Variants in PLA2G6 observed in about 807,000 individuals in gnomAD.
The protein encoded by PLA2G6 is 85/88 kDa calcium-independent phospholipase A2.
A neutral mutation model predicts 83.8 loss-of-function variants in PLA2G6; 62 were observed. That is an observed-to-expected ratio of 0.74 (90% confidence interval 0.60 to 0.91). The LOEUF (loss-of-function observed/expected upper bound fraction) is 0.91. Among genes scored for constraint, PLA2G6 ranks in the 40% least tolerant of loss-of-function variants. The pLI is 0.00. For missense variants in PLA2G6, 944 were observed against 1,102.0 expected, an observed-to-expected ratio of 0.86 and a Z score of 2.03; for synonymous variants, 417 against 449.8, an observed-to-expected ratio of 0.93 and a Z score of 0.92.
chr22:38,135,984 C>G (rs11570662), intron 5 of PLA2G6: 6,026 of 152,296 alleles, frequency 0.04, 178 homozygotes, highest in Middle Eastern at 0.071. Flanking sequence ...AAATAGTATT[C>G]TGCCTTAAAA....
intron 15 of PLA2G6, 39 bp from the exon 16 acceptor site, chr22:38,112,616 C>T: frequency 1.3e-6 from 2 of 1,491,906 alleles, no homozygotes; most frequent in Non-Finnish European, 1.8e-6. Context: ...GGGCCCACAC[C>T]CCGCCCGGCC....
intron 1 of PLA2G6, among the ~76,000 whole-genome samples, chr22:38,173,290 A>T (rs1021253928): frequency 6.6e-6 from 1 of 151,920 alleles, no homozygotes; most frequent in Non-Finnish European, 1.5e-5. Context: ...GGGGTAGACA[A>T]TCACTTTTCC....
intron 2 of PLA2G6, among the ~76,000 whole-genome samples, chr22:38,159,490 A>G (rs1189265812): frequency 6.6e-6 from 1 of 152,108 alleles, no homozygotes; most frequent in Admixed American, 6.6e-5. Flanking sequence ...GCACTTTGGG[A>G]GGCTGAGGTG....
In PLA2G6 at chr22:38,123,318, C is replaced by T. The variant is rs2087634772; in HGVS notation, c.1428-60G>A. The T allele has an allele frequency of 6.6e-7, 1 of 1,506,330 alleles. No homozygotes were observed. Among genetic ancestry groups the T allele is most frequent in the African/African-American group, 1.4e-5 (1 of 72,286 alleles). 93.3% of individuals were successfully genotyped at this position (1,506,330 alleles called of 1,614,324 possible). ...CCTGCCACAGCCCAGTACTTTACAT[C>T]CACCCTCATAGCCCTTGTCCCCTGC... On this transcript the variant is annotated intron_variant, in intron 10 of 16. Coordinates refer to ENST00000332509, the MANE Select transcript of PLA2G6 (RefSeq NM_003560.4). The surrounding 1 kb of genome is among the most constrained non-coding windows in gnomAD (Gnocchi z 4.1).
intron 8 of PLA2G6, 46 bp downstream of exon 8, chr22:38,129,408 C>A: frequency 7.5e-7 from 1 of 1,336,922 alleles, no homozygotes; most frequent in South Asian, 1.2e-5. Context: ...TCCCTGTATC[C>A]ACCCAACCCT....
rs565332748 is a variant in PLA2G6 at position 38,112,467 on chromosome 22, G to A, written c.2276+37C>T. 5.7e-5 allele frequency: 88 copies of A among 1,534,636 alleles called. No individual in the cohort carries two copies. The African/African-American group carries it at 1.1e-3, about 19-fold the overall frequency. On this transcript the variant is annotated intron_variant, in intron 16 of 16. Transcript: ENST00000332509. ...AGGTCGGTGAGTCCGACCACGCCAG[G>A]GCACGGGGCCAAGGGCTGGGGCGGC...
chr22:38,112,728 G>A (rs2086956175), intron 15 of PLA2G6, 151 bp from the exon 16 acceptor site: 2 of 696,010 alleles, frequency 2.9e-6, no homozygotes, highest in African/African-American at 1.8e-5. Flanking sequence ...AGCGGCTCGG[G>A]CAAAACCCCT....
intron 2 of PLA2G6, chr22:38,168,092 T>TCACAG (rs2090290849): frequency 6.1e-6 from 1 of 164,528 alleles, no homozygotes; most frequent in South Asian, 2.0e-4. Flanking sequence ...TCTCCCTCTG[T>TCACAG]CACAGCACTC....
chr22:38,179,687 G>A (rs567400678), intron 1 of PLA2G6, among the ~76,000 whole-genome samples: 1 of 152,238 alleles, frequency 6.6e-6, no homozygotes. Context: ...GGAGGCTGAG[G>A]CAGGAGAATC....
chr22:38,126,426 A>G lies in PLA2G6; in HGVS notation c.1372T>C (p.Ser458Pro), dbSNP rs147043645. The G allele has an allele frequency of 4.3e-6, 7 of 1,613,508 alleles. No individual in the cohort carries two copies. The highest frequency in any genetic ancestry group is 1.7e-5 in the Admixed American group (1 of 60,020). ...ATGAACGCTGGCTTCCGGGCCCGTG[A>G]GATGTGCATGAGATCCTGTAGTTCT... The part of the protein sequence containing the change: ...NLELQDLMHI[S>P]RARKPAFILG... The change falls in exon 10 of 17, where the codon TCA becomes CCA. Residue 458 changes from serine to proline, a missense_variant. By Grantham distance (74) the Ser-to-Pro change is moderately conservative. Coordinates refer to ENST00000332509, the MANE Select transcript of PLA2G6 (RefSeq NM_003560.4).
At chr22:38,176,666 T>G (rs1568982014) in intron 1 of PLA2G6, among the ~76,000 whole-genome samples, 1 of 152,106 alleles carries the variant, frequency 6.6e-6, no homozygotes, top group South Asian at 2.1e-4. Context: ...CCGGCCTCCG[T>G]CCTCTCACAA....
chr22:38,113,727 G>C, intron 14 of PLA2G6, 73 bp from the exon 15 acceptor site: 1 of 1,408,214 alleles, frequency 7.1e-7, no homozygotes, highest in Non-Finnish European at 1.0e-6. Context: ...AGCGTCAAGG[G>C]GAGGCCCAAG....
chr22:38,115,583 G>T lies in PLA2G6; in HGVS notation c.1978C>A (p.Pro660Thr), dbSNP rs587784341. 4 of 1,613,374 alleles carry T rather than the reference G, an allele frequency of 2.5e-6. No individual in the cohort carries two copies. The highest frequency in any genetic ancestry group is 2.2e-5 in the South Asian group (2 of 90,974). ...ATCTCGGTCATGGCATCCAGCGTGG[G>T]GTTGTTGGCCAGCAGCCCACCGTCC... ...FLDGGLLANN[P>T]TLDAMTEIHE... The change falls in exon 14 of 17, where the codon CCC (proline) becomes ACC (threonine). Residue 660 changes from proline to threonine, a missense_variant. Transcript: ENST00000332509.
At chr22:38,125,180 A>G (rs541721662) in intron 10 of PLA2G6, among the ~76,000 whole-genome samples, 41 of 151,608 alleles carry the variant, frequency 2.7e-4, no homozygotes, top group African/African-American at 9.9e-4. Flanking sequence ...ATGCATGTGT[A>G]TGTGTGCGCA....
At position 38,112,308 on chromosome 22, in the gene PLA2G6, G is replaced by T. The variant is rs756816515; in HGVS notation, c.2277-3C>A. The T allele has an allele frequency of 6.2e-7, 1 of 1,613,234 alleles. No homozygotes were observed. The highest frequency in any genetic ancestry group is 8.5e-7 in the Non-Finnish European group (1 of 1,179,792). ...CCGTCCCCAGCTGGGGGTTCAATCT[G>T]TTCGGGCCAGGGAGGAGGGGGTCAC... On this transcript the variant is annotated splice_region_variant and splice_polypyrimidine_tract_variant and intron_variant, in intron 16 of 16. Coordinates refer to ENST00000332509, the MANE Select transcript of PLA2G6 (RefSeq NM_003560.4).
In PLA2G6 at chr22:38,112,531, C is replaced by T. The variant is rs751225193; in HGVS notation, c.2249G>A (p.Cys750Tyr). 6.4e-7 allele frequency: 1 copy of T among 1,555,404 alleles called. No individual in the cohort carries two copies. The highest frequency in any genetic ancestry group is 1.2e-5 in the South Asian group (1 of 84,780). ...GRAVDRARAW[C>Y]EMVGIQYFRL... ...GAAGTACTGGATGCCGACCATCTCG[C>T]ACCAGGCCCGTGCCCGGTCCACAGC... Residue 750 changes from cysteine to tyrosine, a missense_variant, in exon 16 of 17, where the codon TGC becomes TAC. By Grantham distance (194) the Cys-to-Tyr change is radical (BLOSUM62 -2). Transcript: ENST00000332509.
rs774263629 is a variant in PLA2G6 at position 38,132,047 on chromosome 22, G to A, written c.1077+784C>T. 343 of 435,642 alleles carry A rather than the reference G, an allele frequency of 7.9e-4. 1 individual carries two copies. The highest frequency in any genetic ancestry group is 1.2e-3 in the South Asian group (76 of 60,964). 27.0% of individuals were successfully genotyped at this position (435,642 alleles called of 1,614,324 possible). A position where few individuals can be genotyped will look rare whatever the true frequency, so the allele number is the denominator to read the frequency against. On this transcript the variant is annotated intron_variant, in intron 7 of 16. Transcript: ENST00000332509. This position sits in a 1 kb window ranked among gnomAD's most constrained non-coding sequence, Gnocchi z 5.0. ...GGAGAATCGCTTGAACCTGGGAGGC[G>A]GAGGTTGTGGTGAGCCGAGATCGCG...
intron 6 of PLA2G6, chr22:38,134,101 G>A (rs947057748): frequency 6.6e-6 from 1 of 152,144 alleles, no homozygotes; most frequent in African/African-American, 2.4e-5. Flanking sequence ...AGGCTAGACT[G>A]GCTTAGCCTC....
At chr22:38,149,705 G>A (rs2089463091) in intron 2 of PLA2G6, 1 of 151,930 alleles carries the variant, frequency 6.6e-6, no homozygotes, top group Non-Finnish European at 1.5e-5. Flanking sequence ...CACTTTGGGA[G>A]GCCAAGGTGG....
Sources: allele counts gnomAD v4.1 joint callset (sites outside exome capture counted in the v4.1 genomes callset), GRCh38; gene constraint gnomAD v4.1.1; non-coding constraint Gnocchi (gnomAD v3.1); transcripts MANE v1.5; gene names NCBI Gene and HGNC (gene_info 2026-07-23, HGNC 2026-07-21).